PLPPR4: variants seen among roughly 807,000 people sequenced by gnomAD.
The protein encoded by PLPPR4 is phospholipid phosphatase-related protein type 4.
PLPPR4 carries 24 observed loss-of-function variants against 56.6 expected under a neutral mutation model. That is an observed-to-expected ratio of 0.42 (90% CI 0.31 to 0.60). PLPPR4 has a LOEUF of 0.60. Among genes scored for constraint, PLPPR4 ranks in the 20% least tolerant of loss-of-function variants. The pLI, the probability that PLPPR4 is intolerant of heterozygous loss-of-function variation, is 0.13. For missense variants in PLPPR4, 654 were observed against 885.8 expected (o/e 0.74, Z 3.32); for synonymous variants, 326 against 328.1 (o/e 0.99, Z 0.07).
In PLPPR4 at chr1:99,306,521, C is replaced by G; in HGVS notation, c.1659C>G (p.Val553=). ...CCAAGAACACTGAAGGCAGCACGGT[C>G]TCCTGCACTGGCTCCATCCGCTATA... ...SSPKNTEGST[V]SCTGSIRYKT... is the part of the protein sequence containing the mutation. The change falls in exon 7 of 7, where the codon GTC becomes GTG. Residue 553 remains valine (V), a synonymous_variant. Transcript: ENST00000370185. The surrounding 1 kb of genome is among the most constrained non-coding windows in gnomAD (Gnocchi z 4.0). The G allele has an allele frequency of 1.9e-6, 3 of 1,614,188 alleles. No homozygotes were observed. The highest frequency in any genetic ancestry group is 2.5e-6 in the Non-Finnish European group (3 of 1,180,032).
intron 1 of PLPPR4, among the ~76,000 whole-genome samples, chr1:99,284,927 T>C (rs1198612221): frequency 1.3e-5 from 2 of 152,124 alleles, no homozygotes; most frequent in Non-Finnish European, 2.9e-5. Context: ...AGACTAAACC[T>C]AGTTTATAGC....
intron 2 of PLPPR4, among the ~76,000 whole-genome samples, chr1:99,296,004 A>G (rs1370916883): frequency 6.6e-6 from 1 of 152,212 alleles, no homozygotes; most frequent in East Asian, 1.9e-4. Context: ...CCTAAATCAT[A>G]CTGAGTTCCT....
intron 1 of PLPPR4, among the ~76,000 whole-genome samples, chr1:99,273,186 T>C (rs1659101295): frequency 6.6e-6 from 1 of 152,116 alleles, no homozygotes; most frequent in Admixed American, 6.6e-5. Flanking sequence ...ACTGAACCAA[T>C]TGCACTTAGG....
intron 2 of PLPPR4, among the ~76,000 whole-genome samples, 164 bp from the exon 3 acceptor site, chr1:99,296,574 C>G (rs1659747443): frequency 6.6e-6 from 1 of 152,184 alleles, no homozygotes; most frequent in Non-Finnish European, 1.5e-5. Context: ...ACTGCTTGAT[C>G]AAATTCTCAG....
chr1:99,301,280 C>T (rs1659876842), intron 5 of PLPPR4, among the ~76,000 whole-genome samples: 1 of 151,312 alleles, frequency 6.6e-6, no homozygotes, highest in Admixed American at 6.6e-5. Flanking sequence ...CAATAAGTAC[C>T]CACAAAGACA....
chr1:99,271,191 G>A (rs1183677392), intron 1 of PLPPR4, among the ~76,000 whole-genome samples: 1 of 152,118 alleles, frequency 6.6e-6, no homozygotes. Flanking sequence ...TTCATTTCAA[G>A]TCTTCTTTAT....
intron 2 of PLPPR4, among the ~76,000 whole-genome samples, chr1:99,292,269 G>A (rs1659642008): frequency 6.6e-6 from 1 of 152,122 alleles, no homozygotes; most frequent in African/African-American, 2.4e-5. Flanking sequence ...GCTGACACTG[G>A]TACATGTCCT....
upstream of PLPPR4, among the ~76,000 whole-genome samples, chr1:99,263,681 A>T (rs1658818452): frequency 6.6e-6 from 1 of 152,192 alleles, no homozygotes; most frequent in Admixed American, 6.5e-5. Flanking sequence ...TGCCAACAAG[A>T]TGAAGGACTT....
chr1:99,288,606 T>C (rs1329433655), intron 2 of PLPPR4, among the ~76,000 whole-genome samples: 1 of 152,120 alleles, frequency 6.6e-6, no homozygotes, highest in Non-Finnish European at 1.5e-5. Context: ...ATACTGAGCA[T>C]AAATAATTAT....
At position 99,307,411 on chromosome 1, in the gene PLPPR4, C is replaced by A. The variant is rs1272874153; in HGVS notation, c.*401C>A. On this transcript the variant is annotated 3_prime_UTR_variant, in exon 7 of 7. Coordinates refer to ENST00000370185, the MANE Select transcript of PLPPR4 (RefSeq NM_014839.5). Reference sequence around the variant, plus strand: ...CGTTTTCCCTACAGCAGAGGCCATGCAGTATTATATATTCATTTTGCAGAA... The same window carrying A: ...CGTTTTCCCTACAGCAGAGGCCATGAAGTATTATATATTCATTTTGCAGAA... 10 of 195,406 alleles carry A rather than the reference C, an allele frequency of 5.1e-5. No individual in the cohort carries two copies. Among genetic ancestry groups the A allele is most frequent in the Non-Finnish European group, 8.5e-5 (8 of 93,852 alleles). 12.1% of individuals were successfully genotyped at this position (195,406 alleles called of 1,614,324 possible). A position where few individuals can be genotyped will look rare whatever the true frequency, so the allele number is the denominator to read the frequency against.
chr1:99,300,103 A>G (rs1415548561), intron 4 of PLPPR4, among the ~76,000 whole-genome samples: 1 of 152,010 alleles, frequency 6.6e-6, no homozygotes, highest in African/African-American at 2.4e-5. Context: ...TACAGTCAAG[A>G]CCTATGTCCT....
At chr1:99,264,375 G>A (rs923147948), upstream of PLPPR4, 7 of 1,245,786 alleles carry the variant, frequency 5.6e-6, no homozygotes, top group Admixed American at 1.2e-4. Context: ...CAGACTAGGG[G>A]AGGAAGAGGA....
chr1:99,266,610 C>A lies in PLPPR4; in HGVS notation c.78+1939C>A, dbSNP rs72978826. On this transcript the variant is annotated intron_variant, in intron 1 of 6. Transcript: ENST00000370185. ...ACTTTTACTTTGGCCTATTCAGATA[C>A]CCTCTATGAATTCCTTAGCAGGGCA... 7.6e-3 allele frequency among the ~76,000 whole-genome samples: 1,150 copies of A among 152,296 alleles called. 15 individuals are homozygous for A. Among genetic ancestry groups the A allele is most frequent in the African/African-American group, 0.026 (1,088 of 41,558 alleles).
intron 1 of PLPPR4, among the ~76,000 whole-genome samples, chr1:99,285,364 T>C (rs1354425602): frequency 6.6e-6 from 1 of 152,154 alleles, no homozygotes. Context: ...AATACTTAAA[T>C]ATATTTATAT....
In PLPPR4 at chr1:99,309,386, T is replaced by C. The variant is rs1660128725; in HGVS notation, c.*2376T>C. On this transcript the variant is annotated 3_prime_UTR_variant, in exon 7 of 7. Transcript: ENST00000370185. ...TATTGAATAAAGAGAGTTAATTATC[T>C]TTTTAAAGTAAATAAAATTATGAAA... 1 of 152,350 alleles carries C rather than the reference T, an allele frequency of 6.6e-6. No individual in the cohort carries two copies. Among genetic ancestry groups the C allele is most frequent in the Non-Finnish European group, 1.5e-5 (1 of 67,970 alleles). The allele number at this position is 152,350 out of a possible 1,614,324, so 9.4% of individuals were successfully genotyped here.
chr1:99,270,457 A>G (rs1659028534), intron 1 of PLPPR4, among the ~76,000 whole-genome samples: 1 of 152,224 alleles, frequency 6.6e-6, no homozygotes, highest in Non-Finnish European at 1.5e-5. Flanking sequence ...CATTGCTGCT[A>G]CTCTGTTGCC....
At chr1:99,302,154 G>C (rs1258655115) in intron 6 of PLPPR4, among the ~76,000 whole-genome samples, 1 of 152,056 alleles carries the variant, frequency 6.6e-6, no homozygotes, top group South Asian at 2.1e-4. Context: ...GAGGTGGGCA[G>C]GGACTACTAT....
At chr1:99,284,229 A>G (rs894536551) in intron 1 of PLPPR4, among the ~76,000 whole-genome samples, 16 of 152,214 alleles carry the variant, frequency 1.1e-4, no homozygotes, top group Admixed American at 6.5e-5. Context: ...CAAAAGATAA[A>G]AAGGTAACTC....
intron 6 of PLPPR4, among the ~76,000 whole-genome samples, chr1:99,302,278 A>G (rs1174117764): frequency 6.6e-6 from 1 of 152,102 alleles, no homozygotes; most frequent in Non-Finnish European, 1.5e-5. Context: ...CCACAAATTT[A>G]GCACCTGAAT....
Sources: allele counts gnomAD v4.1 joint callset (sites outside exome capture counted in the v4.1 genomes callset), GRCh38; gene constraint gnomAD v4.1.1; non-coding constraint Gnocchi (gnomAD v3.1); transcripts MANE v1.5; gene names NCBI Gene and HGNC (gene_info 2026-07-23, HGNC 2026-07-21).